AP1S3: variants seen among roughly 807,000 people sequenced by gnomAD.
AP1S3 encodes the protein AP-1 complex subunit sigma-3.
In AP1S3, 10 loss-of-function variants were observed where a neutral mutation model predicts 20.9. That is an observed-to-expected ratio of 0.48 (90% CI 0.29 to 0.81). The LOEUF (loss-of-function observed/expected upper bound fraction) is 0.81. Among genes scored for constraint, AP1S3 ranks in the 30% least tolerant of loss-of-function variants. AP1S3 has a pLI of 0.08. For synonymous variants in AP1S3, 41 were observed against 61.5 expected (o/e 0.67, Z 1.56); for missense variants, 154 against 183.8 (o/e 0.84, Z 0.94).
intron 1 of AP1S3, among the ~76,000 whole-genome samples, chr2:223,802,176 C>T (rs1221980045): frequency 2.6e-5 from 4 of 152,052 alleles, no homozygotes; most frequent in African/African-American, 9.7e-5. Context: ...CTAAACAGAC[C>T]TTGTATTGGC....
intron 1 of AP1S3, among the ~76,000 whole-genome samples, chr2:223,813,754 G>C (rs1184983143): frequency 6.6e-6 from 1 of 152,188 alleles, no homozygotes; most frequent in East Asian, 1.9e-4. Context: ...AGAATAGAAG[G>C]TAGTTCCTTG....
chr2:223,820,381 A>T (rs550807682), intron 1 of AP1S3, among the ~76,000 whole-genome samples: 2 of 152,086 alleles, frequency 1.3e-5, no homozygotes, highest in South Asian at 4.2e-4. Flanking sequence ...TTGCCAGAAT[A>T]TTTTTTTTCA....
At chr2:223,825,146 A>C (rs959389468) in intron 1 of AP1S3, among the ~76,000 whole-genome samples, 2 of 149,958 alleles carry the variant, frequency 1.3e-5, no homozygotes, top group Admixed American at 6.7e-5. Flanking sequence ...CATCTCTACT[A>C]AAAAAAAATA....
chr2:223,786,070 T>C (rs2106098458), intron 1 of AP1S3, among the ~76,000 whole-genome samples: 1 of 151,128 alleles, frequency 6.6e-6, no homozygotes. Flanking sequence ...AGGAGGTATA[T>C]GAGAGATCTC....
chr2:223,803,117 A>G (rs900273458), intron 1 of AP1S3, among the ~76,000 whole-genome samples: 1 of 152,226 alleles, frequency 6.6e-6, no homozygotes, highest in African/African-American at 2.4e-5. Flanking sequence ...ACATAAATAT[A>G]TCTGCCAACA....
At chr2:223,789,003 G>A (rs1355164964) in intron 1 of AP1S3, among the ~76,000 whole-genome samples, 3 of 152,132 alleles carry the variant, frequency 2.0e-5, no homozygotes, top group Non-Finnish European at 4.4e-5. Flanking sequence ...GAAGCCTCCA[G>A]TCAACCTGTC....
intron 1 of AP1S3, among the ~76,000 whole-genome samples, chr2:223,832,928 C>T (rs1042848854): frequency 6.5e-5 from 9 of 138,408 alleles, no homozygotes; most frequent in African/African-American, 1.0e-4. Context: ...GATTTTAAAT[C>T]GTACACCCAA....
chr2:223,832,982 A>G (rs553927143), intron 1 of AP1S3, among the ~76,000 whole-genome samples: 11 of 152,092 alleles, frequency 7.2e-5, no homozygotes, highest in African/African-American at 2.6e-4. Flanking sequence ...ATCCTACTTT[A>G]CATAAATAAC....
intron 3 of AP1S3, among the ~76,000 whole-genome samples, chr2:223,765,628 T>A (rs1171888305): frequency 6.6e-6 from 1 of 152,216 alleles, no homozygotes; most frequent in African/African-American, 2.4e-5. Flanking sequence ...ACTCGGCTCC[T>A]CTTCCTATCT....
At chr2:223,837,277 G>T (rs1404720853) in intron 1 of AP1S3, among the ~76,000 whole-genome samples, 171 bp downstream of exon 1, 1 of 151,800 alleles carries the variant, frequency 6.6e-6, no homozygotes, top group Non-Finnish European at 1.5e-5. Flanking sequence ...ATCCTGGCGC[G>T]TCCGCACCGT....
At chr2:223,834,238 T>C (rs981563320) in intron 1 of AP1S3, among the ~76,000 whole-genome samples, 7 of 152,008 alleles carry the variant, frequency 4.6e-5, no homozygotes, top group African/African-American at 1.4e-4. Flanking sequence ...AAAATAGATA[T>C]TAACATATTT....
intron 4 of AP1S3, among the ~76,000 whole-genome samples, chr2:223,761,313 G>C (rs1260111613): frequency 1.3e-5 from 2 of 152,192 alleles, no homozygotes; most frequent in Admixed American, 6.5e-5. Context: ...TGGCCTAGCT[G>C]TTAACATGGT....
At chr2:223,791,409 A>G (rs6436434) in intron 1 of AP1S3, among the ~76,000 whole-genome samples, 13,344 of 152,310 alleles carry the variant, frequency 0.088, 896 homozygotes, top group East Asian at 0.25. Context: ...GATTCATCAC[A>G]TAAACAGAAA....
chr2:223,776,125 A>G (rs1229133981), intron 2 of AP1S3, 116 bp from the exon 3 acceptor site: 1 of 753,982 alleles, frequency 1.3e-6, no homozygotes, highest in South Asian at 1.5e-5. Context: ...CTCATCCAAG[A>G]ATGAAATCAT....
intron 1 of AP1S3, 78 bp downstream of exon 1, chr2:223,837,353 ACCCGGCCGCGCGCCCGG>A (rs1692428553): frequency 4.7e-6 from 3 of 641,940 alleles, no homozygotes; most frequent in Admixed American, 4.7e-5. Context: ...CCGCACCCCC[ACCCGGCCGCGCGCCCGG>A]CCCGGACGCC....
intron 2 of AP1S3, among the ~76,000 whole-genome samples, chr2:223,777,374 GAC>G (rs1408267739): frequency 2.6e-5 from 4 of 152,070 alleles, no homozygotes; most frequent in Non-Finnish European, 4.4e-5. Flanking sequence ...CAGCCTGGGT[GAC>G]AGAGCAAGAT....
chr2:223,775,471 C>T (rs1690761001), intron 3 of AP1S3, among the ~76,000 whole-genome samples: 1 of 152,170 alleles, frequency 6.6e-6, no homozygotes, highest in South Asian at 2.1e-4. Flanking sequence ...AAATCCTTCA[C>T]AGTTAAATTC....
intron 1 of AP1S3, among the ~76,000 whole-genome samples, chr2:223,812,165 C>T (rs1345129199): frequency 2.0e-5 from 3 of 152,086 alleles, no homozygotes; most frequent in Non-Finnish European, 4.4e-5. Context: ...ATTTATTGAC[C>T]CAGATCTTCT....
intron 1 of AP1S3, among the ~76,000 whole-genome samples, chr2:223,830,172 T>C (rs1038421095): frequency 6.6e-6 from 1 of 152,076 alleles, no homozygotes; most frequent in South Asian, 2.1e-4. Flanking sequence ...AATATATTAG[T>C]GTGTTAATAC....
Sources: gnomAD v4.1 joint callset for allele counts (sites outside exome capture counted in the v4.1 genomes callset) on GRCh38, gnomAD v4.1.1 for gene constraint, MANE v1.5 for transcripts, NCBI Gene and HGNC (gene_info 2026-07-23, HGNC 2026-07-21) for gene names.